RBPMS2: variants seen among roughly 807,000 people sequenced by gnomAD.
RBPMS2 encodes the protein RNA-binding protein with multiple splicing 2.
A neutral mutation model predicts 25.7 loss-of-function variants in RBPMS2; 14 were observed. The observed-to-expected ratio is 0.55, with a 90% CI of 0.36 to 0.85. The LOEUF (loss-of-function observed/expected upper bound fraction) is 0.85, where lower values mean the gene tolerates loss of function less well. Among genes scored for constraint, RBPMS2 ranks in the 40% least tolerant of loss-of-function variants. The pLI is 0.01. For missense variants in RBPMS2, 252 were observed against 283.4 expected, an observed-to-expected ratio of 0.89 and a Z score of 0.80; for synonymous variants, 127 against 115.6, an observed-to-expected ratio of 1.10 and a Z score of -0.63.
At chr15:64,767,683 T>C (rs892228242) in intron 1 of RBPMS2, among the ~76,000 whole-genome samples, 1 of 152,082 alleles carries the variant, frequency 6.6e-6, no homozygotes. Flanking sequence ...GGGATTTTTT[T>C]TTCTTTTGAG....
intron 1 of RBPMS2, among the ~76,000 whole-genome samples, chr15:64,767,696 A>G (rs1047987771): frequency 1.3e-5 from 2 of 151,750 alleles, no homozygotes; most frequent in Non-Finnish European, 2.9e-5. Flanking sequence ...CTTTTGAGAC[A>G]AGGTCTCGCT....
At chr15:64,757,853 G>A (rs1426210050) in intron 1 of RBPMS2, among the ~76,000 whole-genome samples, 1 of 152,070 alleles carries the variant, frequency 6.6e-6, no homozygotes, top group South Asian at 2.1e-4. Context: ...GAAGGCACCT[G>A]AAGTCTGAGC....
At chr15:64,753,272 G>A (rs987186935) in intron 1 of RBPMS2, among the ~76,000 whole-genome samples, 1 of 152,090 alleles carries the variant, frequency 6.6e-6, no homozygotes, top group African/African-American at 2.4e-5. Flanking sequence ...ACCCCATCAC[G>A]CGGCCATTCT....
chr15:64,742,636 G>A (rs1359078733), intron 6 of RBPMS2, among the ~76,000 whole-genome samples: 2 of 152,202 alleles, frequency 1.3e-5, no homozygotes, highest in Admixed American at 6.5e-5. Flanking sequence ...GGGGTGTGGC[G>A]GGGGGAGCGG....
At position 64,741,128 on chromosome 15, in the gene RBPMS2, C is replaced by CGGA. The variant is rs1380138407; in HGVS notation, c.*7+42_*7+44dup. On this transcript the variant is annotated intron_variant, in intron 7 of 7. Transcript: ENST00000300069. The stretch of plus-strand genomic sequence containing the variant: ...GAGGAACTACGGCCCTTCAGGGAGC[C>CGGA]GGAGTCTAGGACACTTGTCCTGGGC... 2.8e-6 allele frequency: 4 copies of CGGA among 1,442,370 alleles called. No individual in the cohort carries two copies. The African/African-American group carries it at 5.6e-5, about 20-fold the overall frequency. The allele number at this position is 1,442,370 out of a possible 1,614,324, so 89.3% of individuals were successfully genotyped here. A position where few individuals can be genotyped will look rare whatever the true frequency, so the allele number is the denominator to read the frequency against.
At chr15:64,768,911 T>C (rs2083870400) in intron 1 of RBPMS2, among the ~76,000 whole-genome samples, 1 of 150,990 alleles carries the variant, frequency 6.6e-6, no homozygotes, top group African/African-American at 2.4e-5. Flanking sequence ...ACATCCTGGC[T>C]AACACGATGA....
chr15:64,744,798 G>GTTGTTTTTT (rs2083601378), intron 6 of RBPMS2, among the ~76,000 whole-genome samples: 2 of 46,288 alleles, frequency 4.3e-5, no homozygotes, highest in African/African-American at 1.5e-4. Flanking sequence ...GGTTTGTTTT[G>GTTGTTTTTT]TTTTTTTTTT....
intron 6 of RBPMS2, among the ~76,000 whole-genome samples, chr15:64,747,346 C>T (rs574137464): frequency 9.9e-5 from 15 of 152,268 alleles, no homozygotes; most frequent in African/African-American, 3.1e-4. Flanking sequence ...CGACTCCTCC[C>T]GCCTCAGCTC....
intron 6 of RBPMS2, among the ~76,000 whole-genome samples, chr15:64,742,041 G>A (rs2083567411): frequency 7.1e-6 from 1 of 140,712 alleles, no homozygotes; most frequent in Non-Finnish European, 1.6e-5. Flanking sequence ...GTGCATGCCT[G>A]TAATCCCAGC....
chr15:64,745,239 C>T (rs1595784732), intron 6 of RBPMS2, among the ~76,000 whole-genome samples: 1 of 152,182 alleles, frequency 6.6e-6, no homozygotes, highest in South Asian at 2.1e-4. Context: ...TACAGGTTTT[C>T]TGGGGATTGG....
intron 6 of RBPMS2, among the ~76,000 whole-genome samples, chr15:64,744,698 C>T (rs2083598046): frequency 6.6e-6 from 1 of 150,926 alleles, no homozygotes; most frequent in Non-Finnish European, 1.5e-5. Flanking sequence ...GAGCTGGACA[C>T]ATTCGTACAA....
chr15:64,756,695 G>A (rs1455603704), intron 1 of RBPMS2, among the ~76,000 whole-genome samples: 1 of 148,084 alleles, frequency 6.8e-6, no homozygotes, highest in Non-Finnish European at 1.5e-5. Context: ...AGGCTGGAGT[G>A]CAGTGGCACA....
intron 1 of RBPMS2, among the ~76,000 whole-genome samples, chr15:64,752,715 A>AT (rs1257769090): frequency 6.6e-6 from 1 of 151,662 alleles, no homozygotes; most frequent in Non-Finnish European, 1.5e-5. Flanking sequence ...GGTTCAAGCG[A>AT]TTCTCCTGCC....
chr15:64,760,627 C>T (rs2083774838), intron 1 of RBPMS2, among the ~76,000 whole-genome samples: 1 of 151,874 alleles, frequency 6.6e-6, no homozygotes, highest in Non-Finnish European at 1.5e-5. Flanking sequence ...ATGGTGAAAT[C>T]CCCTTTCCAC....
intron 1 of RBPMS2, among the ~76,000 whole-genome samples, chr15:64,765,951 C>T (rs557644485): frequency 3.7e-4 from 54 of 147,540 alleles, no homozygotes; most frequent in African/African-American, 1.4e-3. Flanking sequence ...TAAGACTGAG[C>T]CACTGCACTC....
At chr15:64,761,695 GCTT>G (rs1348789772) in intron 1 of RBPMS2, among the ~76,000 whole-genome samples, 7 of 95,632 alleles carry the variant, frequency 7.3e-5, no homozygotes, top group African/African-American at 2.0e-4. Flanking sequence ...ACAAAGCCCA[GCTT>G]TTTTTTTTTT....
At chr15:64,769,905 G>A (rs1489718153) in intron 1 of RBPMS2, among the ~76,000 whole-genome samples, 3 of 152,174 alleles carry the variant, frequency 2.0e-5, no homozygotes, top group Non-Finnish European at 2.9e-5. Context: ...ACCCGGCTGG[G>A]CGCGGTGGCT....
intron 1 of RBPMS2, among the ~76,000 whole-genome samples, chr15:64,766,279 G>T (rs2083845055): frequency 6.6e-6 from 1 of 151,948 alleles, no homozygotes; most frequent in Non-Finnish European, 1.5e-5. Flanking sequence ...CCACACCCAG[G>T]CCCTGCTGCA....
chr15:64,765,989 C>CA (rs11315072), intron 1 of RBPMS2, among the ~76,000 whole-genome samples: 119 of 144,696 alleles, frequency 8.2e-4, no homozygotes, highest in African/African-American at 2.7e-3. Context: ...GAGACTGTCT[C>CA]AAAAAAAAAA....
Sources: gnomAD v4.1 joint callset for allele counts (sites outside exome capture counted in the v4.1 genomes callset) on GRCh38, gnomAD v4.1.1 for gene constraint, MANE v1.5 for transcripts, NCBI Gene and HGNC (gene_info 2026-07-23, HGNC 2026-07-21) for gene names.